TRAPPC10: variants seen among roughly 807,000 people sequenced by gnomAD.
TRAPPC10 encodes the protein trafficking protein particle complex subunit 10.
In TRAPPC10, 23 loss-of-function variants were observed where a neutral mutation model predicts 125.5. The ratio of observed to expected loss-of-function variants is 0.18; its 90% CI spans 0.13 to 0.26. The LOEUF is 0.26. TRAPPC10 is among the 10% of genes least tolerant of loss of function. The pLI is 1.00. For missense variants in TRAPPC10, 1,123 were observed against 1,308.4 expected, an observed-to-expected ratio of 0.86 and a Z score of 2.19; for synonymous variants, 509 against 518.0, an observed-to-expected ratio of 0.98 and a Z score of 0.24.
At chr21:44,077,633 T>C (rs2037383110) in intron 10 of TRAPPC10, 60 bp from the exon 11 acceptor site, 1 of 1,250,314 alleles carries the variant, frequency 8.0e-7, no homozygotes, top group African/African-American at 1.5e-5. Context: ...GGTGAATAAA[T>C]GTAGTATTTG....
Position 44,101,608 on chromosome 21 carries a change from CAAAG to C in TRAPPC10, c.3347-1167_3347-1164del. On this transcript the variant is annotated intron_variant, in intron 21 of 22. Transcript: ENST00000291574. ...GGATCAAGATCCTGAAGCATTTACTCAAAGAACCATAACAGGAGATGCAGTGTGG... is the reference window on the plus strand; with the variant it reads ...GGATCAAGATCCTGAAGCATTTACTCAACCATAACAGGAGATGCAGTGTGG... Among the ~76,000 whole-genome samples the C allele has an allele frequency of 2.1e-4, 2 of 9,324 alleles. 1 individual carries two copies. Among genetic ancestry groups the C allele is most frequent in the East Asian group, 7.4e-3 (2 of 272 alleles). 6.1% of individuals were successfully genotyped at this position (9,324 alleles called of 152,430 possible). A position where few individuals can be genotyped will look rare whatever the true frequency, so the allele number is the denominator to read the frequency against.
chr21:44,095,595 G>T (rs1018679333), intron 20 of TRAPPC10, among the ~76,000 whole-genome samples: 3 of 139,540 alleles, frequency 2.1e-5, no homozygotes, highest in African/African-American at 5.4e-5. Context: ...ACAGAGACTC[G>T]CTGTGTCGCC....
chr21:44,063,821 G>C lies in TRAPPC10; in HGVS notation c.1038+36G>C. 1.3e-6 allele frequency: 2 copies of C among 1,594,632 alleles called. No individual in the cohort carries two copies. The highest frequency in any genetic ancestry group is 1.7e-6 in the Non-Finnish European group (2 of 1,169,926). On this transcript the variant is annotated intron_variant, in intron 7 of 22. Coordinates refer to ENST00000291574, the MANE Select transcript of TRAPPC10 (RefSeq NM_003274.5). This position sits in a 1 kb window ranked among gnomAD's most constrained non-coding sequence, Gnocchi z 4.4. ...TGTTTTCCCAATTTACCCGTTTCTT[G>C]ATTGTTCCAGCAGAAATCTCTGAAC...
chr21:44,055,314 A>G (rs2035501600), intron 4 of TRAPPC10, among the ~76,000 whole-genome samples: 1 of 152,094 alleles, frequency 6.6e-6, no homozygotes, highest in Admixed American at 6.5e-5. Context: ...AAGAAGCTAG[A>G]TGCGGTGGCT....
chr21:44,015,642 T>C (rs963775542), intron 1 of TRAPPC10, among the ~76,000 whole-genome samples: 1 of 150,092 alleles, frequency 6.7e-6, no homozygotes, highest in Non-Finnish European at 1.5e-5. Context: ...TGAGACAGAG[T>C]CTTGTTCTCT....
chr21:44,089,022 C>T (rs9977646), intron 17 of TRAPPC10: 13,094 of 66,788 alleles, frequency 0.2, 3,383 homozygotes, highest in African/African-American at 0.66. Context: ...TGCCGTGTTA[C>T]CCCGCTCTTC....
chr21:44,077,085 TACCTCTTATACAC>T (rs2037342249), intron 10 of TRAPPC10, among the ~76,000 whole-genome samples: 1 of 152,222 alleles, frequency 6.6e-6, no homozygotes, highest in Non-Finnish European at 1.5e-5. Flanking sequence ...GTAATGGCTG[TACCTCTTATACAC>T]ACAAGTATGA....
chr21:44,091,110 G>A (rs1274543136), intron 18 of TRAPPC10, among the ~76,000 whole-genome samples: 3 of 152,226 alleles, frequency 2.0e-5, no homozygotes, highest in African/African-American at 7.2e-5. Context: ...AGAATCACTT[G>A]AACCTGGGAG....
chr21:44,028,797 G>A (rs1193467855), intron 1 of TRAPPC10, among the ~76,000 whole-genome samples: 1 of 152,184 alleles, frequency 6.6e-6, no homozygotes, highest in African/African-American at 2.4e-5. Flanking sequence ...GTTTCTGAGT[G>A]TGGGCACATC....
rs948309397 is a variant in TRAPPC10 at position 44,082,467 on chromosome 21, G to A, written c.1724-321G>A. ...CCCTTGGAAATAGCTGTAGAAATTG[G>A]ACTATTTACAAATTGTCGTTTGAAA... On this transcript the variant is annotated intron_variant, in intron 13 of 22. Transcript: ENST00000291574. The surrounding 1 kb of genome is among the most constrained non-coding windows in gnomAD (Gnocchi z 4.4). 1.3e-5 allele frequency among the ~76,000 whole-genome samples: 2 copies of A among 152,216 alleles called. No homozygotes were observed. Among genetic ancestry groups the A allele is most frequent in the African/African-American group, 2.4e-5 (1 of 41,458 alleles).
Position 44,014,398 on chromosome 21 carries a change from T to TC in TRAPPC10, c.67+1839dup, listed in dbSNP as rs535835106. 2.9e-3 allele frequency among the ~76,000 whole-genome samples: 431 copies of TC among 150,798 alleles called. 4 individuals carry two copies. The highest frequency in any genetic ancestry group is 9.8e-3 in the African/African-American group (403 of 41,110). ...AGCAGAGTGAATTTTTTTTTTTCCT[T>TC]CTTCTTCTTTTTTGAGACGGCGTCT... On this transcript the variant is annotated intron_variant, in intron 1 of 22. Coordinates refer to ENST00000291574, the MANE Select transcript of TRAPPC10 (RefSeq NM_003274.5).
intron 2 of TRAPPC10, among the ~76,000 whole-genome samples, chr21:44,033,045 CACTG>C (rs1220813382): frequency 6.6e-6 from 1 of 152,234 alleles, no homozygotes; most frequent in Non-Finnish European, 1.5e-5. Flanking sequence ...CATAGGAAAT[CACTG>C]ACTGGGAATC....
chr21:44,090,950 T>G (rs1196952844), intron 18 of TRAPPC10, among the ~76,000 whole-genome samples: 2 of 152,082 alleles, frequency 1.3e-5, no homozygotes, highest in Non-Finnish European at 2.9e-5. Context: ...CCCAGCACTT[T>G]GGGAGGCCGA....
chr21:44,030,127 G>A (rs938958852), intron 1 of TRAPPC10, among the ~76,000 whole-genome samples: 6 of 152,230 alleles, frequency 3.9e-5, no homozygotes, highest in African/African-American at 1.4e-4. Context: ...GGTTCCCAGG[G>A]AGAAGAGCTT....
chr21:44,015,626 T>C (rs2031743004), intron 1 of TRAPPC10, among the ~76,000 whole-genome samples: 3 of 151,652 alleles, frequency 2.0e-5, no homozygotes, highest in East Asian at 1.9e-4. Context: ...TTTTTTTTTT[T>C]CTGTCTGAGA....
chr21:44,089,859 C>T lies in TRAPPC10; in HGVS notation c.2796C>T (p.Ile932=), dbSNP rs150251666. Reference sequence around the variant, plus strand: ...TGTCGATTGACTGCCCGTGGTCCATCTACTCCACAGTCATCGCACTGACCT... The same window carrying T: ...TGTCGATTGACTGCCCGTGGTCCATTTACTCCACAGTCATCGCACTGACCT... ...HKVSIDCPWS[I]YSTVIALTFS... is the part of the protein sequence containing the mutation. Residue 932 remains isoleucine, a synonymous_variant, in exon 18 of 23, where the codon ATC becomes ATT. Coordinates refer to ENST00000291574, the MANE Select transcript of TRAPPC10 (RefSeq NM_003274.5). 1.9e-6 allele frequency: 3 copies of T among 1,613,762 alleles called. No homozygotes were observed. Among genetic ancestry groups the T allele is most frequent in the African/African-American group, 1.3e-5 (1 of 74,904 alleles).
At chr21:44,020,544 G>A (rs1337708833) in intron 1 of TRAPPC10, among the ~76,000 whole-genome samples, 2 of 152,092 alleles carry the variant, frequency 1.3e-5, no homozygotes, top group Non-Finnish European at 2.9e-5. Context: ...ACAGGCCAGA[G>A]GATCGCTTGA....
intron 5 of TRAPPC10, 137 bp from the exon 6 acceptor site, chr21:44,058,966 T>C (rs2035826804): frequency 1.7e-6 from 1 of 586,536 alleles, no homozygotes; most frequent in Non-Finnish European, 2.9e-6. Flanking sequence ...GTCGTCACAT[T>C]GGTTGTTACT....
In TRAPPC10 at chr21:44,082,651, C is replaced by G. The variant is rs2037835559; in HGVS notation, c.1724-137C>G. ...TGGGGGGTGTGAAGATGGCAGGAGG[C>G]TGGGCTCAGCTGCTGTGCCCATCAC... On this transcript the variant is annotated intron_variant, in intron 13 of 22. Coordinates refer to ENST00000291574, the MANE Select transcript of TRAPPC10 (RefSeq NM_003274.5). The surrounding 1 kb of genome is among the most constrained non-coding windows in gnomAD (Gnocchi z 4.4). 1 of 902,576 alleles carries G rather than the reference C, an allele frequency of 1.1e-6. No individual in the cohort carries two copies. Among genetic ancestry groups the G allele is most frequent in the African/African-American group, 1.7e-5 (1 of 60,286 alleles). 55.9% of individuals were successfully genotyped at this position (902,576 alleles called of 1,614,324 possible).
Sources: allele counts gnomAD v4.1 joint callset (sites outside exome capture counted in the v4.1 genomes callset), GRCh38; gene constraint gnomAD v4.1.1; non-coding constraint Gnocchi (gnomAD v3.1); transcripts MANE v1.5; gene names NCBI Gene and HGNC (gene_info 2026-07-23, HGNC 2026-07-21).